Variants in CPVL observed in about 807,000 individuals in gnomAD.
CPVL encodes carboxypeptidase vitellogenic like, also known as probable serine carboxypeptidase CPVL.
Under a neutral mutation model 63.7 loss-of-function variants are expected in CPVL, and 51 were observed. The ratio of observed to expected loss-of-function variants is 0.80; its 90% CI spans 0.64 to 1.01. The LOEUF (loss-of-function observed/expected upper bound fraction) is 1.01, where lower values mean the gene tolerates loss of function less well. Ranked by LOEUF, CPVL falls within the 50% of genes least tolerant of loss-of-function variation. The pLI is 0.00. For missense variants in CPVL, 530 were observed against 573.1 expected, an observed-to-expected ratio of 0.92 and a Z score of 0.77; for synonymous variants, 195 against 206.0, an observed-to-expected ratio of 0.95 and a Z score of 0.46.
intron 7 of CPVL, among the ~76,000 whole-genome samples, chr7:29,081,672 AG>A (rs1247172620): frequency 3.3e-5 from 5 of 152,200 alleles, no homozygotes; most frequent in African/African-American, 1.2e-4. Context: ...GAGTTAGCGG[AG>A]CTTCTATTAA....
intron 5 of CPVL, among the ~76,000 whole-genome samples, chr7:29,094,705 A>T (rs903726421): frequency 6.6e-6 from 1 of 152,048 alleles, no homozygotes; most frequent in Non-Finnish European, 1.5e-5. Context: ...TCTACTAAAA[A>T]TACAAAAATC....
At chr7:29,143,583 A>G (rs1792133195) in intron 1 of CPVL, among the ~76,000 whole-genome samples, 1 of 152,338 alleles carries the variant, frequency 6.6e-6, no homozygotes, top group African/African-American at 2.4e-5. Context: ...AAAGAGGGGT[A>G]ATGGGATACA....
At chr7:29,044,619 A>G (rs1204739363) in intron 11 of CPVL, among the ~76,000 whole-genome samples, 1 of 152,184 alleles carries the variant, frequency 6.6e-6, no homozygotes, top group Non-Finnish European at 1.5e-5. Context: ...ATACTATGAC[A>G]TAAGGAATAA....
chr7:29,164,619 A>G (rs1449960312), intron 5 of CPVL, among the ~76,000 whole-genome samples: 5 of 151,874 alleles, frequency 3.3e-5, no homozygotes, highest in African/African-American at 1.2e-4. Flanking sequence ...CATCTCTACT[A>G]AAAATACAAA....
intron 11 of CPVL, among the ~76,000 whole-genome samples, chr7:29,056,444 T>C (rs1790739891): frequency 2.0e-5 from 3 of 152,228 alleles, no homozygotes. Flanking sequence ...ATACAGTACG[T>C]AGCCTTTTCA....
At chr7:29,041,823 T>C (rs554477354) in intron 11 of CPVL, among the ~76,000 whole-genome samples, 1 of 152,154 alleles carries the variant, frequency 6.6e-6, no homozygotes, top group East Asian at 1.9e-4. Context: ...AAGAAAAGAA[T>C]GTAAAATATT....
rs752367549 is a variant in CPVL at position 29,095,126 on chromosome 7, G to A, written c.420C>T (p.Phe140=). The A allele has an allele frequency of 3.7e-6, 6 of 1,613,822 alleles. No homozygotes were observed. The highest frequency in any genetic ancestry group is 2.2e-5 in the South Asian group (2 of 91,070). The part of the protein sequence containing the change: ...TSNMTLRDRD[F]PWTTTLSMLY... ...GCATGGAGAGCGTTGTGGTCCAGGGGAAGTCTCTGTCACGCACTGTGAAAA... is the reference window on the plus strand; with the variant it reads ...GCATGGAGAGCGTTGTGGTCCAGGGAAAGTCTCTGTCACGCACTGTGAAAA... Residue 140 remains phenylalanine, a synonymous_variant, in exon 5 of 13, where the codon TTC becomes TTT. Coordinates refer to ENST00000265394, the MANE Select transcript of CPVL (RefSeq NM_031311.5).
At chr7:29,005,349 T>G (rs1219852068) in intron 12 of CPVL, among the ~76,000 whole-genome samples, 1 of 152,156 alleles carries the variant, frequency 6.6e-6, no homozygotes, top group Admixed American at 6.5e-5. Context: ...ACAGCACTAA[T>G]AAATATAACA....
At chr7:29,098,350 C>G (rs1466586207) in intron 3 of CPVL, among the ~76,000 whole-genome samples, 1 of 152,150 alleles carries the variant, frequency 6.6e-6, no homozygotes, top group African/African-American at 2.4e-5. Flanking sequence ...TCCTTCACGG[C>G]TTTGGAAAGG....
rs1288546595 is a variant in CPVL, at chr7:29,071,891, T to C, written c.746A>G (p.Tyr249Cys). The C allele has an allele frequency of 1.2e-6, 2 of 1,614,164 alleles. No homozygotes were observed. The highest frequency in any genetic ancestry group is 1.7e-5 in the Admixed American group (1 of 60,024). ...YSDPESIIGG[Y>C]AEFLYQIGLL... ...GCCAATTTGGTACAGGAATTCTGCA[T>C]AGCCCCCTATAATCTGAGGACAAAA... Residue 249 changes from tyrosine to cysteine, a missense_variant, in exon 9 of 13, where the codon TAT becomes TGT. Tyr to Cys is a radical substitution (Grantham distance 194). Transcript: ENST00000265394.
chr7:29,097,549 A>C (rs141025660), intron 3 of CPVL, among the ~76,000 whole-genome samples: 2,046 of 152,262 alleles, frequency 0.013, 23 homozygotes, highest in Admixed American at 0.025. Context: ...ACAAAAAATT[A>C]GCTGGGCGTG....
chr7:29,046,564 C>T (rs532818380), intron 11 of CPVL, among the ~76,000 whole-genome samples: 1 of 72,194 alleles, frequency 1.4e-5, no homozygotes, highest in Admixed American at 1.3e-4. Flanking sequence ...CACGTGCGCG[C>T]GTGCACACAC....
chr7:29,112,872 C>A, intron 2 of CPVL, 50 bp from the exon 3 acceptor site: 1 of 1,251,844 alleles, frequency 8.0e-7, no homozygotes, highest in Non-Finnish European at 1.2e-6. Context: ...ACAATAACAA[C>A]AAAAATGTGA....
chr7:29,048,688 T>C (rs1789858520), intron 11 of CPVL, among the ~76,000 whole-genome samples: 1 of 151,954 alleles, frequency 6.6e-6, no homozygotes, highest in Non-Finnish European at 1.5e-5. Flanking sequence ...AACAGATATA[T>C]ACAGAACATT....
intron 9 of CPVL, among the ~76,000 whole-genome samples, chr7:29,069,422 G>C (rs1213489437): frequency 3.3e-5 from 4 of 121,300 alleles, no homozygotes; most frequent in Admixed American, 3.1e-4. Flanking sequence ...GCCTGGGCAA[G>C]AGAGCGAGAC....
intron 5 of CPVL, among the ~76,000 whole-genome samples, chr7:29,093,406 A>ACT (rs1786048831): frequency 6.7e-6 from 1 of 149,140 alleles, no homozygotes; most frequent in South Asian, 2.1e-4. Flanking sequence ...AAAGAAAGAA[A>ACT]CTCTTTAGGC....
chr7:29,093,072 T>C (rs1259844424), intron 5 of CPVL, among the ~76,000 whole-genome samples: 1 of 151,908 alleles, frequency 6.6e-6, no homozygotes, highest in Non-Finnish European at 1.5e-5. Flanking sequence ...ACCTGGAGAG[T>C]GCATGGCTCT....
upstream of CPVL, among the ~76,000 whole-genome samples, chr7:29,148,096 G>C (rs537135302): frequency 2.6e-5 from 4 of 152,168 alleles, no homozygotes; most frequent in Non-Finnish European, 5.9e-5. Context: ...AGCAATGTTC[G>C]CCCATGGGAG....
At chr7:29,064,537 G>C (rs1294859909) in intron 10 of CPVL, among the ~76,000 whole-genome samples, 1 of 152,076 alleles carries the variant, frequency 6.6e-6, no homozygotes, top group African/African-American at 2.4e-5. Context: ...AACCCCACTA[G>C]AGGCAAAGAG....
Sources: allele counts gnomAD v4.1 joint callset (sites outside exome capture counted in the v4.1 genomes callset), GRCh38; gene constraint gnomAD v4.1.1; transcripts MANE v1.5; gene names NCBI Gene and HGNC (gene_info 2026-07-23, HGNC 2026-07-21).